The following TNFSF15 variants were observed in gnomAD, a reference collection of about 807,000 sequenced individuals.
TNFSF15 encodes tumor necrosis factor ligand superfamily member 15.
A neutral mutation model predicts 26.4 loss-of-function variants in TNFSF15; 15 were observed. The ratio of observed to expected loss-of-function variants is 0.57; its 90% CI spans 0.38 to 0.87. The LOEUF is 0.87. TNFSF15 is among the 40% of genes least tolerant of loss of function. The probability of loss-of-function intolerance (pLI) is 0.00; values close to 1 mark genes in which losing one functional copy is unlikely to be tolerated. For synonymous variants in TNFSF15, 116 were observed against 115.0 expected, an observed-to-expected ratio of 1.01 and a Z score of -0.06; for missense variants, 290 against 306.1, an observed-to-expected ratio of 0.95 and a Z score of 0.39.
rs1352378909 is a variant in TNFSF15 at position 114,789,383 on chromosome 9, G to A, written c.*1069C>T. 1 of 151,706 alleles carries A rather than the reference G, an allele frequency of 6.6e-6. No homozygotes were observed. Among genetic ancestry groups the A allele is most frequent in the Non-Finnish European group, 1.5e-5 (1 of 68,008 alleles). 9.4% of individuals were successfully genotyped at this position (151,706 alleles called of 1,614,324 possible). On this transcript the variant is annotated 3_prime_UTR_variant, in exon 4 of 4. Transcript: ENST00000374045. ...AGGCTGGAGTGCAATGGCGCGATCT[G>A]GGCTCACCGCAACCTCTGCCTCCCC... is the stretch of plus-strand genomic sequence containing the variant.
intron 1 of TNFSF15, among the ~76,000 whole-genome samples, chr9:114,796,075 C>A (rs1054639858): frequency 7.2e-5 from 11 of 152,168 alleles, no homozygotes; most frequent in Admixed American, 6.5e-5. Context: ...TTAAAGCCAC[C>A]ATTACTGCTT....
chr9:114,802,338 C>T (rs373822859), intron 1 of TNFSF15, among the ~76,000 whole-genome samples: 6 of 152,118 alleles, frequency 3.9e-5, no homozygotes, highest in Non-Finnish European at 8.8e-5. Flanking sequence ...CTGCAACCTC[C>T]GCCTCCCGGG....
chr9:114,792,382 C>T (rs375997040), intron 3 of TNFSF15, 25 bp downstream of exon 3: 212 of 1,611,714 alleles, frequency 1.3e-4, no homozygotes, highest in Middle Eastern at 6.6e-4. Flanking sequence ...CATGGTCTCC[C>T]GTAAAACACA....
chr9:114,791,106 G>A (rs1829591147), intron 3 of TNFSF15, 200 bp from the exon 4 acceptor site: 5 of 629,106 alleles, frequency 7.9e-6, no homozygotes, highest in South Asian at 2.1e-5. Context: ...TTGGACTAGT[G>A]ACCTGGGGCA....
rs1829472333 is a variant in TNFSF15, at chr9:114,784,933, A to G, written c.*5519T>C. ...ACCCCTGAAACAAAAAAAGGGGAAC[A>G]TTACATGCTTTAATGACTTTAAGAA... On this transcript the variant is annotated 3_prime_UTR_variant, in exon 4 of 4. Transcript: ENST00000374045. 1 of 152,248 alleles carries G rather than the reference A, an allele frequency of 6.6e-6. No homozygotes were observed. The highest frequency in any genetic ancestry group is 6.5e-5 in the Admixed American group (1 of 15,282). 9.4% of individuals were successfully genotyped at this position (152,248 alleles called of 1,614,324 possible).
intron 1 of TNFSF15, among the ~76,000 whole-genome samples, chr9:114,794,836 G>A (rs528830798): frequency 2.6e-5 from 4 of 152,160 alleles, no homozygotes; most frequent in Admixed American, 6.6e-5. Context: ...GGTCTCATGC[G>A]AGTAAAGAGT....
chr9:114,786,911 CAAAAAAAAAA>C lies in TNFSF15; in HGVS notation c.*3531_*3540del, dbSNP rs11429963. ...TGGGTGACAAAGCAAGACTCTGTCT[CAAAAAAAAAA>C]AAAAAAAAAAAGAAAAAGAAATTTT... On this transcript the variant is annotated 3_prime_UTR_variant, in exon 4 of 4. Transcript: ENST00000374045. 6.2e-5 allele frequency: 5 copies of C among 80,324 alleles called. No homozygotes were observed. In the East Asian group the frequency reaches 1.7e-3, roughly 28 times the overall value. 5.0% of individuals were successfully genotyped at this position (80,324 alleles called of 1,614,324 possible). A position where few individuals can be genotyped will look rare whatever the true frequency, so the allele number is the denominator to read the frequency against.
intron 1 of TNFSF15, among the ~76,000 whole-genome samples, chr9:114,798,715 G>A (rs915148969): frequency 9.9e-5 from 15 of 152,122 alleles, no homozygotes; most frequent in African/African-American, 3.6e-4. Context: ...GGCACATATT[G>A]GGAGCTTCAT....
chr9:114,792,855 T>C (rs1564344941), intron 2 of TNFSF15, among the ~76,000 whole-genome samples: 1 of 152,240 alleles, frequency 6.6e-6, no homozygotes, highest in Non-Finnish European at 1.5e-5. Flanking sequence ...CAGGAGTGAA[T>C]TGGCTTTTTG....
At position 114,789,323 on chromosome 9, in the gene TNFSF15, T is replaced by G. The variant is rs10117785; in HGVS notation, c.*1129A>C. On this transcript the variant is annotated 3_prime_UTR_variant, in exon 4 of 4. Coordinates refer to ENST00000374045, the MANE Select transcript of TNFSF15 (RefSeq NM_005118.4). ...AAGGCTTGGAGTTATTATTTTATTT[T>G]TTTTTTTTTGGACAGAGTTTTGCTC... The G allele has an allele frequency of 6.6e-6, 1 of 151,830 alleles. No homozygotes were observed. The highest frequency in any genetic ancestry group is 1.5e-5 in the Non-Finnish European group (1 of 68,008). The allele number at this position is 151,830 out of a possible 1,614,324, so 9.4% of individuals were successfully genotyped here.
At chr9:114,794,515 T>G (rs572207270) in intron 1 of TNFSF15, among the ~76,000 whole-genome samples, 1 of 152,242 alleles carries the variant, frequency 6.6e-6, no homozygotes, top group Non-Finnish European at 1.5e-5. Flanking sequence ...ATCTCACTAC[T>G]GGGCACGTAT....
chr9:114,795,730 G>C (rs1564345693), intron 1 of TNFSF15, among the ~76,000 whole-genome samples: 1 of 152,198 alleles, frequency 6.6e-6, no homozygotes, highest in Non-Finnish European at 1.5e-5. Flanking sequence ...GTGTCTGTGT[G>C]AGTGTGAGAG....
chr9:114,798,465 A>G (rs1193795898), intron 1 of TNFSF15, among the ~76,000 whole-genome samples: 1 of 152,108 alleles, frequency 6.6e-6, no homozygotes, highest in Non-Finnish European at 1.5e-5. Flanking sequence ...AATTATTTAA[A>G]TTGGGCAGAA....
rs561800326 is a variant in TNFSF15 at position 114,802,409 on chromosome 9, C to T, written c.210+3394G>A. ...CTGGGACTACAGGCGCGCGCCACCA[C>T]GCCCAGCTGATTTTTGTATTTTTAG... is the stretch of plus-strand genomic sequence containing the variant. On this transcript the variant is annotated intron_variant, in intron 1 of 3. Coordinates refer to ENST00000374045, the MANE Select transcript of TNFSF15 (RefSeq NM_005118.4). Among the ~76,000 whole-genome samples, 27 of 152,158 alleles carry T rather than the reference C, an allele frequency of 1.8e-4. No individual in the cohort carries two copies. The South Asian group carries it at 3.3e-3, about 19-fold the overall frequency.
rs1829541374 is a variant in TNFSF15, at chr9:114,788,507, A to C, written c.*1945T>G. On this transcript the variant is annotated 3_prime_UTR_variant, in exon 4 of 4. Coordinates refer to ENST00000374045, the MANE Select transcript of TNFSF15 (RefSeq NM_005118.4). ...ATTAATTTTTATTTAATTATAACTC[A>C]ATAAATATTAATGAAGTGCTCCTGC... is the stretch of plus-strand genomic sequence containing the variant. 6.6e-6 allele frequency: 1 copy of C among 152,288 alleles called. No homozygotes were observed. The highest frequency in any genetic ancestry group is 6.5e-5 in the Admixed American group (1 of 15,292). 9.4% of individuals were successfully genotyped at this position (152,288 alleles called of 1,614,324 possible). A position where few individuals can be genotyped will look rare whatever the true frequency, so the allele number is the denominator to read the frequency against.
chr9:114,795,776 T>C (rs1032758223), intron 1 of TNFSF15, among the ~76,000 whole-genome samples: 4 of 152,196 alleles, frequency 2.6e-5, no homozygotes, highest in African/African-American at 9.6e-5. Context: ...TAAATTGACG[T>C]GTTTTAGCAT....
Position 114,789,911 on chromosome 9 carries a change from T to C in TNFSF15, c.*541A>G, listed in dbSNP as rs16931739. ...GACATGAAAACCAACTCCTTCTGTG[T>C]GAACATTCATGAGACATACCAACTC... On this transcript the variant is annotated 3_prime_UTR_variant, in exon 4 of 4. Transcript: ENST00000374045. 2,591 of 153,106 alleles carry C rather than the reference T, an allele frequency of 0.017. 61 individuals carry two copies. Among genetic ancestry groups the C allele is most frequent in the African/African-American group, 0.054 (2,229 of 41,570 alleles). The allele number at this position is 153,106 out of a possible 1,614,324, so 9.5% of individuals were successfully genotyped here. A position where few individuals can be genotyped will look rare whatever the true frequency, so the allele number is the denominator to read the frequency against.
intron 1 of TNFSF15, among the ~76,000 whole-genome samples, chr9:114,798,058 A>G (rs1829692851): frequency 6.6e-6 from 1 of 152,300 alleles, no homozygotes; most frequent in South Asian, 2.1e-4. Context: ...TAATCCAAAA[A>G]TCTAGGAAAG....
At chr9:114,805,505 T>C (rs551105258) in intron 1 of TNFSF15, among the ~76,000 whole-genome samples, 1 of 152,316 alleles carries the variant, frequency 6.6e-6, no homozygotes, top group African/African-American at 2.4e-5. Context: ...TAAGTTTTTT[T>C]CTTAAATAAA....
Sources: allele counts gnomAD v4.1 joint callset (sites outside exome capture counted in the v4.1 genomes callset), GRCh38; gene constraint gnomAD v4.1.1; transcripts MANE v1.5; gene names NCBI Gene and HGNC (gene_info 2026-07-23, HGNC 2026-07-21).